The following CDKAL1 variants were observed in gnomAD, a reference collection of about 807,000 sequenced individuals.
CDKAL1 encodes CDKAL1 threonylcarbamoyladenosine tRNA methylthiotransferase.
Under a neutral mutation model 68.2 loss-of-function variants are expected in CDKAL1, and 32 were observed. The observed-to-expected ratio is 0.47, with a 90% CI of 0.35 to 0.63. CDKAL1 has a LOEUF of 0.63. CDKAL1 is among the 30% of genes least tolerant of loss of function. The probability of loss-of-function intolerance (pLI) is 0.00; values close to 1 mark genes in which losing one functional copy is unlikely to be tolerated. For missense variants in CDKAL1, 606 were observed against 696.7 expected (o/e 0.87, Z 1.47); for synonymous variants, 234 against 244.3 (o/e 0.96, Z 0.39).
chr6:21,051,126 T>C lies in CDKAL1; in HGVS notation c.1056-13922T>C, dbSNP rs138466360. On this transcript the variant is annotated intron_variant, in intron 11 of 15. Transcript: ENST00000274695. ...CATTAAAGTAGCAGAATGTGAACAC[T>C]GTCTGGATCACTTGAGCTCAGGAAT... Among the ~76,000 whole-genome samples, 313 of 152,302 alleles carry C rather than the reference T, an allele frequency of 2.1e-3. 1 individual carries two copies. The highest frequency in any genetic ancestry group is 7.0e-3 in the African/African-American group (293 of 41,566).
chr6:20,904,673 C>T (rs1485588284), intron 9 of CDKAL1, among the ~76,000 whole-genome samples: 2 of 152,016 alleles, frequency 1.3e-5, no homozygotes, highest in Admixed American at 6.6e-5. Flanking sequence ...CCTGTAATCC[C>T]AGCTACTCGG....
intron 4 of CDKAL1, among the ~76,000 whole-genome samples, chr6:20,607,121 G>A (rs888742311): frequency 3.3e-5 from 5 of 152,168 alleles, no homozygotes; most frequent in Non-Finnish European, 7.3e-5. Context: ...AAGGTAGTAG[G>A]TGGAGATTTC....
intron 5 of CDKAL1, among the ~76,000 whole-genome samples, chr6:20,680,419 T>C (rs530120264): frequency 6.6e-6 from 1 of 152,348 alleles, no homozygotes; most frequent in Non-Finnish European, 1.5e-5. Context: ...TGTAGGTGTT[T>C]TTAAACATAT....
intron 5 of CDKAL1, among the ~76,000 whole-genome samples, chr6:20,721,716 C>G (rs1380940007): frequency 2.1e-5 from 3 of 142,252 alleles, no homozygotes; most frequent in African/African-American, 7.9e-5. Context: ...TGCACCCTGA[C>G]CAACTTCTGT....
chr6:20,686,342 C>A (rs7766070), intron 5 of CDKAL1, among the ~76,000 whole-genome samples: 38,865 of 151,824 alleles, frequency 0.26, 5,189 homozygotes, highest in East Asian at 0.38. Flanking sequence ...TACAGCTGCT[C>A]CCCCTTGCTT....
chr6:20,772,468 T>TA (rs1397792942), intron 7 of CDKAL1, among the ~76,000 whole-genome samples: 1 of 152,230 alleles, frequency 6.6e-6, no homozygotes, highest in Non-Finnish European at 1.5e-5. Context: ...ACATATCTGC[T>TA]TGCAAAAGAT....
chr6:20,547,596 A>T (rs1355196277), intron 3 of CDKAL1, among the ~76,000 whole-genome samples: 3 of 152,166 alleles, frequency 2.0e-5, no homozygotes, highest in Non-Finnish European at 4.4e-5. Context: ...CAACTGCTGA[A>T]CTTTATAATC....
intron 9 of CDKAL1, among the ~76,000 whole-genome samples, chr6:20,850,481 A>T (rs555349546): frequency 8.5e-4 from 129 of 151,914 alleles, no homozygotes; most frequent in African/African-American, 3.0e-3. Context: ...TTGAGGTGAG[A>T]TCTCACTGGA....
At chr6:20,969,558 C>G (rs1765490338) in intron 10 of CDKAL1, among the ~76,000 whole-genome samples, 1 of 152,150 alleles carries the variant, frequency 6.6e-6, no homozygotes, top group Non-Finnish European at 1.5e-5. Context: ...TCTGTAAAGT[C>G]TGTATTCTTT....
chr6:20,540,256 G>T (rs936246123), intron 2 of CDKAL1, among the ~76,000 whole-genome samples: 15 of 151,458 alleles, frequency 9.9e-5, no homozygotes, highest in Admixed American at 7.9e-4. Flanking sequence ...TGTATTTTTA[G>T]TAGAGATGGG....
At chr6:21,147,228 A>G (rs1776220348) in intron 13 of CDKAL1, among the ~76,000 whole-genome samples, 1 of 152,236 alleles carries the variant, frequency 6.6e-6, no homozygotes, top group Non-Finnish European at 1.5e-5. Context: ...AATAAAAAAG[A>G]TAATTTTATT....
intron 5 of CDKAL1, among the ~76,000 whole-genome samples, chr6:20,730,577 G>A (rs9942429): frequency 0.25 from 37,408 of 151,858 alleles, 5,354 homozygotes; most frequent in Non-Finnish European, 0.34. Flanking sequence ...AGGTGTGGTG[G>A]CTCATGTCTG....
intron 9 of CDKAL1, among the ~76,000 whole-genome samples, chr6:20,947,375 G>GGTCT (rs1764296368): frequency 1.3e-5 from 2 of 152,032 alleles, no homozygotes; most frequent in Non-Finnish European, 2.9e-5. Flanking sequence ...CAGATTTTTT[G>GGTCT]AGTCCAGGAA....
intron 12 of CDKAL1, among the ~76,000 whole-genome samples, chr6:21,073,717 T>C (rs564810407): frequency 6.6e-6 from 1 of 152,370 alleles, no homozygotes; most frequent in South Asian, 2.1e-4. Context: ...ATTGTTGAGT[T>C]ATAAGAGTTC....
chr6:20,763,815 A>G (rs1215772480), intron 7 of CDKAL1, among the ~76,000 whole-genome samples: 1 of 152,216 alleles, frequency 6.6e-6, no homozygotes, highest in African/African-American at 2.4e-5. Flanking sequence ...CAAAATGGCA[A>G]ATTCTTGATA....
chr6:21,229,564 G>C (rs1394465509), intron 15 of CDKAL1, among the ~76,000 whole-genome samples: 1 of 152,158 alleles, frequency 6.6e-6, no homozygotes, highest in African/African-American at 2.4e-5. Context: ...GCTTGGAAGG[G>C]AAGACTGAGC....
rs560077273 is a variant in CDKAL1 at position 20,858,242 on chromosome 6, T to C, written c.742+12064T>C. Among the ~76,000 whole-genome samples, 7 of 152,316 alleles carry C rather than the reference T, an allele frequency of 4.6e-5. No homozygotes were observed. The South Asian group carries it at 1.0e-3, about 23-fold the overall frequency. On this transcript the variant is annotated intron_variant, in intron 9 of 15. Transcript: ENST00000274695. ...TGAGCTAGGCTTACAAGCCTGGGAA[T>C]GTTTATTTTTAAAGCTCTGTAAGTT...
intron 4 of CDKAL1, among the ~76,000 whole-genome samples, chr6:20,569,321 T>G (rs956263000): frequency 3.9e-5 from 6 of 152,240 alleles, no homozygotes; most frequent in Admixed American, 6.5e-5. Context: ...TTACAGCAAT[T>G]GAATAAAATA....
intron 10 of CDKAL1, among the ~76,000 whole-genome samples, chr6:20,968,829 A>C (rs1461593579): frequency 6.6e-6 from 1 of 151,660 alleles, no homozygotes; most frequent in Non-Finnish European, 1.5e-5. Flanking sequence ...AATTCTTGGG[A>C]CATGGTTTTC....
Sources: gnomAD v4.1 joint callset for allele counts (sites outside exome capture counted in the v4.1 genomes callset) on GRCh38, gnomAD v4.1.1 for gene constraint, MANE v1.5 for transcripts, NCBI Gene and HGNC (gene_info 2026-07-23, HGNC 2026-07-21) for gene names.